Variants in PARM1 observed in about 807,000 individuals in gnomAD.
PARM1 encodes WSC4, cell wall integrity and stress response component 4 homolog.
PARM1 carries 14 observed loss-of-function variants against 24.6 expected under a neutral mutation model. That is an observed-to-expected ratio of 0.57 (90% CI 0.38 to 0.89). The LOEUF (loss-of-function observed/expected upper bound fraction) is 0.89, where lower values mean the gene tolerates loss of function less well. Among genes scored for constraint, PARM1 ranks in the 40% least tolerant of loss-of-function variants. PARM1 has a pLI of 0.00. For synonymous variants in PARM1, 179 were observed against 156.6 expected (o/e 1.14, Z -1.07); for missense variants, 362 against 380.4 (o/e 0.95, Z 0.40).
At chr4:74,975,422 T>C (rs764258176) in intron 1 of PARM1, among the ~76,000 whole-genome samples, 1 of 152,232 alleles carries the variant, frequency 6.6e-6, no homozygotes, top group Non-Finnish European at 1.5e-5. Context: ...ATTGACTTTG[T>C]GTGAGTTTTT....
At chr4:74,943,152 C>T (rs576001729) in intron 1 of PARM1, among the ~76,000 whole-genome samples, 3 of 152,240 alleles carry the variant, frequency 2.0e-5, no homozygotes, top group African/African-American at 7.2e-5. Context: ...TAGTCTGTTC[C>T]ACTTGCCAAC....
At chr4:75,039,794 T>G (rs1366099524) in intron 3 of PARM1, among the ~76,000 whole-genome samples, 1 of 152,224 alleles carries the variant, frequency 6.6e-6, no homozygotes, top group East Asian at 1.9e-4. Flanking sequence ...TTCATATATG[T>G]TTCAGATATG....
chr4:75,008,860 T>G (rs996594449), intron 1 of PARM1, among the ~76,000 whole-genome samples: 58 of 152,300 alleles, frequency 3.8e-4, no homozygotes, highest in African/African-American at 1.4e-3. Context: ...ACTAACAGAC[T>G]GAGGCTCTCT....
At chr4:75,000,355 G>A (rs1722654674) in intron 1 of PARM1, among the ~76,000 whole-genome samples, 1 of 152,122 alleles carries the variant, frequency 6.6e-6, no homozygotes, top group African/African-American at 2.4e-5. Context: ...TAGCTCACAA[G>A]GTATATAGTG....
intron 1 of PARM1, among the ~76,000 whole-genome samples, chr4:74,998,817 G>A (rs918677135): frequency 2.0e-5 from 3 of 152,116 alleles, no homozygotes; most frequent in Non-Finnish European, 4.4e-5. Flanking sequence ...TACTCCCCTC[G>A]GATTGCCTGC....
Position 75,002,957 on chromosome 4 carries a change from G to C in PARM1, c.44-9468G>C, listed in dbSNP as rs1168513988. Among the ~76,000 whole-genome samples the C allele has an allele frequency of 2.0e-5, 3 of 152,210 alleles. No homozygotes were observed. The South Asian group carries it at 6.2e-4, about 32-fold the overall frequency. ...TAAGTTACATATTTAGACATGCTTT[G>C]TGTGGGCCTTTGTGTGTACTCTTGC... is the stretch of plus-strand genomic sequence containing the variant. On this transcript the variant is annotated intron_variant, in intron 1 of 3. Transcript: ENST00000307428.
chr4:74,968,061 TAGCC>T (rs1410216521), intron 1 of PARM1, among the ~76,000 whole-genome samples: 1 of 152,236 alleles, frequency 6.6e-6, no homozygotes, highest in African/African-American at 2.4e-5. Context: ...CACCATCTCT[TAGCC>T]AGCTTTTAAA....
rs554786080 is a variant in PARM1 at position 74,933,418 on chromosome 4, A to T, written c.43+48A>T. ...AAGGGCAGGTCGCGGGGTGGGCCCC[A>T]GTAGCTAGCGCGTGGTCGGGGCTGA... On this transcript the variant is annotated intron_variant, in intron 1 of 3. Transcript: ENST00000307428. 4 of 1,549,476 alleles carry T rather than the reference A, an allele frequency of 2.6e-6. No homozygotes were observed. In the South Asian group the frequency reaches 3.4e-5, roughly 13 times the overall value.
At chr4:74,976,481 G>GGCCACA (rs1722140042) in intron 1 of PARM1, among the ~76,000 whole-genome samples, 1 of 152,222 alleles carries the variant, frequency 6.6e-6, no homozygotes, top group Non-Finnish European at 1.5e-5. Context: ...GAGGAGGGGT[G>GGCCACA]GCCACAGTTT....
At chr4:74,933,707 G>C (rs1721116996) in intron 1 of PARM1, among the ~76,000 whole-genome samples, 1 of 152,222 alleles carries the variant, frequency 6.6e-6, no homozygotes, top group Admixed American at 6.5e-5. Context: ...GGGTTTCGGA[G>C]CGCACTCTGC....
chr4:74,934,588 G>C (rs1721137030), intron 1 of PARM1, among the ~76,000 whole-genome samples: 1 of 152,200 alleles, frequency 6.6e-6, no homozygotes, highest in African/African-American at 2.4e-5. Context: ...CTGGTATCTC[G>C]GCACGGTTTG....
intron 3 of PARM1, among the ~76,000 whole-genome samples, chr4:75,038,762 GA>G (rs1175815742): frequency 1.3e-5 from 2 of 152,200 alleles, no homozygotes; most frequent in Admixed American, 1.3e-4. Flanking sequence ...TTTAATTAGT[GA>G]TGATTGAAGA....
chr4:74,965,034 A>G (rs1198116223), intron 1 of PARM1: 1 of 152,206 alleles, frequency 6.6e-6, no homozygotes, highest in East Asian at 1.9e-4. Flanking sequence ...GAAAAGTCCA[A>G]TGTTTAACAC....
chr4:75,006,948 T>C (rs1258914690), intron 1 of PARM1, among the ~76,000 whole-genome samples: 1 of 152,002 alleles, frequency 6.6e-6, no homozygotes, highest in Admixed American at 6.5e-5. Flanking sequence ...ACCTACATAA[T>C]GGGAGAAAAT....
chr4:74,938,898 G>A (rs1721246364), intron 1 of PARM1, among the ~76,000 whole-genome samples: 1 of 152,114 alleles, frequency 6.6e-6, no homozygotes, highest in African/African-American at 2.4e-5. Flanking sequence ...CTTTTCATTG[G>A]TGCAGGATGG....
chr4:75,007,325 G>A lies in PARM1; in HGVS notation c.44-5100G>A, dbSNP rs528709402. On this transcript the variant is annotated intron_variant, in intron 1 of 3. Coordinates refer to ENST00000307428, the MANE Select transcript of PARM1 (RefSeq NM_015393.4). The stretch of plus-strand genomic sequence containing the variant: ...TCTTCAGCTGCCCAGTCTCACATGC[G>A]CTCCTCATTGCATTCTCTGTAGTAG... Among the ~76,000 whole-genome samples, 16 of 152,238 alleles carry A rather than the reference G, an allele frequency of 1.1e-4. No homozygotes were observed. The East Asian group carries it at 3.1e-3, about 29-fold the overall frequency.
At chr4:75,034,814 A>C (rs1008204937) in intron 3 of PARM1, 2 of 152,344 alleles carry the variant, frequency 1.3e-5, no homozygotes, top group African/African-American at 4.8e-5. Context: ...AGCCAGAACC[A>C]TTTCTATGCA....
At chr4:74,980,081 A>G (rs1578037563) in intron 1 of PARM1, among the ~76,000 whole-genome samples, 1 of 152,138 alleles carries the variant, frequency 6.6e-6, no homozygotes. Context: ...TTCTCTCACC[A>G]CTTCTATTCA....
chr4:74,957,580 C>T (rs1010179134), intron 1 of PARM1, among the ~76,000 whole-genome samples: 1 of 152,164 alleles, frequency 6.6e-6, no homozygotes, highest in Non-Finnish European at 1.5e-5. Context: ...CCTACCTCAG[C>T]TTTTTCTAAG....
Sources: allele counts gnomAD v4.1 joint callset (sites outside exome capture counted in the v4.1 genomes callset), GRCh38; gene constraint gnomAD v4.1.1; transcripts MANE v1.5; gene names NCBI Gene and HGNC (gene_info 2026-07-23, HGNC 2026-07-21).